The following SLC4A7 variants were observed in gnomAD, a reference collection of about 807,000 sequenced individuals.
The protein encoded by SLC4A7 is sodium bicarbonate cotransporter 3.
A neutral mutation model predicts 137.6 loss-of-function variants in SLC4A7; 51 were observed. That is an observed-to-expected ratio of 0.37 (90% CI 0.30 to 0.47). SLC4A7 has a LOEUF of 0.47. SLC4A7 is among the 20% of genes least tolerant of loss of function. The pLI is 1.00. For missense variants in SLC4A7, 1,247 were observed against 1,525.4 expected, an observed-to-expected ratio of 0.82 and a Z score of 3.04; for synonymous variants, 542 against 518.6, an observed-to-expected ratio of 1.05 and a Z score of -0.61.
At chr3:27,458,716 C>G (rs902975695) in intron 1 of SLC4A7, among the ~76,000 whole-genome samples, 10 of 152,262 alleles carry the variant, frequency 6.6e-5, no homozygotes, top group Admixed American at 5.9e-4. Flanking sequence ...TCTGGCTGGG[C>G]AAGGTGGCTC....
chr3:27,418,647 T>C lies in SLC4A7; in HGVS notation c.1513-15A>G. On this transcript the variant is annotated splice_polypyrimidine_tract_variant and intron_variant, in intron 10 of 25. Transcript: ENST00000454389. ...TCATGGAAAATCTAAGTGAAAAAAA[T>C]ATTGAGTAAAAGATTTTAAAGTTGA... 6.6e-7 allele frequency: 1 copy of C among 1,526,010 alleles called. No homozygotes were observed. The highest frequency in any genetic ancestry group is 9.0e-7 in the Non-Finnish European group (1 of 1,113,786). 94.5% of individuals were successfully genotyped at this position (1,526,010 alleles called of 1,614,324 possible).
chr3:27,451,181 A>C (rs562574590), intron 2 of SLC4A7, among the ~76,000 whole-genome samples: 21 of 152,196 alleles, frequency 1.4e-4, no homozygotes, highest in Non-Finnish European at 2.5e-4. Context: ...AAGTCTTAGA[A>C]TATAAATGAA....
At chr3:27,469,175 C>A (rs940404862) in intron 1 of SLC4A7, among the ~76,000 whole-genome samples, 4 of 152,082 alleles carry the variant, frequency 2.6e-5, no homozygotes, top group African/African-American at 9.7e-5. Context: ...AATCATTTTT[C>A]CTGTGCTCTC....
intron 3 of SLC4A7, among the ~76,000 whole-genome samples, chr3:27,440,225 C>T (rs2057079875): frequency 6.6e-6 from 1 of 152,140 alleles, no homozygotes; most frequent in Non-Finnish European, 1.5e-5. Flanking sequence ...CTTCTGGAGG[C>T]TCTAGGAAAA....
chr3:27,399,008 GAA>G (rs533969253), intron 16 of SLC4A7, among the ~76,000 whole-genome samples: 42 of 137,612 alleles, frequency 3.1e-4, no homozygotes, highest in Admixed American at 1.2e-3. Context: ...TTCCTTTAGG[GAA>G]AAAAAAAAAA....
At chr3:27,422,939 C>T (rs2055149207) in intron 8 of SLC4A7, 2 of 384,272 alleles carry the variant, frequency 5.2e-6, no homozygotes, top group Non-Finnish European at 1.0e-5. Flanking sequence ...ACTGCCATGC[C>T]TAGAGGAACT....
intron 1 of SLC4A7, among the ~76,000 whole-genome samples, chr3:27,478,931 G>C (rs2059591834): frequency 1.3e-5 from 2 of 151,246 alleles, no homozygotes; most frequent in Admixed American, 1.3e-4. Context: ...CTTGAACCCA[G>C]AAGGTGGAGG....
chr3:27,452,553 T>A lies in SLC4A7; in HGVS notation c.61-55A>T. On this transcript the variant is annotated intron_variant, in intron 1 of 25. Coordinates refer to ENST00000454389, the MANE Select transcript of SLC4A7 (RefSeq NM_001321103.2). ...GAGATCACAATCTATTGAGGACCTATTATATGCATCCTTTGAAATGGCAAC... is the reference window on the plus strand; with the variant it reads ...GAGATCACAATCTATTGAGGACCTAATATATGCATCCTTTGAAATGGCAAC... 4 of 1,142,588 alleles carry A rather than the reference T, an allele frequency of 3.5e-6. No homozygotes were observed. The South Asian group carries it at 5.8e-5, about 17-fold the overall frequency. 70.8% of individuals were successfully genotyped at this position (1,142,588 alleles called of 1,614,324 possible).
At position 27,397,785 on chromosome 3, in the gene SLC4A7, T is replaced by G. The variant is rs745815530; in HGVS notation, c.2602A>C (p.Ile868Leu). 6.3e-7 allele frequency: 1 copy of G among 1,593,630 alleles called. No homozygotes were observed. Among genetic ancestry groups the G allele is most frequent in the Admixed American group, 1.7e-5 (1 of 59,368 alleles). ...RYFPTKVRST[I>L]SDFAVFLTIV... The stretch of plus-strand genomic sequence containing the variant: ...GTGAGAAATACAGCAAAATCACTGA[T>G]TGTCGATCGCACCTATGTTAAAGGG... Residue 868 changes from isoleucine (I) to leucine (L), a missense_variant, in exon 18 of 26, where the codon ATC (isoleucine) becomes CTC (leucine). This residue lies in a region of SLC4A7 where 499 missense variants were observed against 664.2 expected (regional missense o/e 0.75). Transcript: ENST00000454389.
intron 13 of SLC4A7, among the ~76,000 whole-genome samples, 156 bp from the exon 14 acceptor site, chr3:27,405,119 T>A (rs1248147846): frequency 6.6e-6 from 1 of 152,168 alleles, no homozygotes; most frequent in Non-Finnish European, 1.5e-5. Flanking sequence ...TATAAAAAAT[T>A]ACAAATACAT....
intron 1 of SLC4A7, chr3:27,456,870 A>G: frequency 7.2e-7 from 1 of 1,381,632 alleles, no homozygotes; most frequent in East Asian, 2.7e-5. Flanking sequence ...AATAACTACA[A>G]CTTACACAGG....
intron 11 of SLC4A7, among the ~76,000 whole-genome samples, chr3:27,413,769 A>G (rs2054127311): frequency 6.6e-6 from 1 of 152,226 alleles, no homozygotes; most frequent in South Asian, 2.1e-4. Context: ...GAGAAATACT[A>G]GAGACATTTG....
At chr3:27,415,207 A>T (rs1010344981) in intron 11 of SLC4A7, among the ~76,000 whole-genome samples, 1 of 152,180 alleles carries the variant, frequency 6.6e-6, no homozygotes, top group Non-Finnish European at 1.5e-5. Context: ...GGGTGGCCAG[A>T]TGCATTGTCT....
intron 1 of SLC4A7, among the ~76,000 whole-genome samples, chr3:27,470,671 G>A (rs151109448): frequency 1.1e-3 from 159 of 149,716 alleles, no homozygotes; most frequent in African/African-American, 3.7e-3. Context: ...AGCCAGGCAC[G>A]GTGGCTCACG....
At chr3:27,408,624 T>C (rs766687734) in intron 13 of SLC4A7, among the ~76,000 whole-genome samples, 1 of 152,184 alleles carries the variant, frequency 6.6e-6, no homozygotes, top group Non-Finnish European at 1.5e-5. Flanking sequence ...TAAAATGCAC[T>C]TAAGAATTAC....
At chr3:27,453,212 G>A (rs9844546) in intron 1 of SLC4A7, among the ~76,000 whole-genome samples, 5,259 of 152,174 alleles carry the variant, frequency 0.035, 106 homozygotes, top group East Asian at 0.066. Context: ...TTCTCAACTT[G>A]TAATAACTTT....
chr3:27,398,008 C>A, intron 17 of SLC4A7, 184 bp downstream of exon 17: 1 of 613,784 alleles, frequency 1.6e-6, no homozygotes, highest in Non-Finnish European at 2.8e-6. Flanking sequence ...TCTTATGGTA[C>A]CATCATCTTC....
intron 7 of SLC4A7, among the ~76,000 whole-genome samples, chr3:27,425,990 G>A (rs535795233): frequency 6.6e-6 from 1 of 152,074 alleles, no homozygotes; most frequent in Non-Finnish European, 1.5e-5. Flanking sequence ...AAGATGTACT[G>A]GTAATCAAGT....
chr3:27,482,242 T>C (rs1197294582), intron 1 of SLC4A7, among the ~76,000 whole-genome samples: 2 of 152,220 alleles, frequency 1.3e-5, no homozygotes, highest in African/African-American at 4.8e-5. Flanking sequence ...TAAATAAGTG[T>C]TATTACAATG....
Sources: allele counts gnomAD v4.1 joint callset (sites outside exome capture counted in the v4.1 genomes callset), GRCh38; gene constraint gnomAD v4.1.1; regional missense constraint gnomAD v4.1.1; transcripts MANE v1.5; gene names NCBI Gene and HGNC (gene_info 2026-07-23, HGNC 2026-07-21).